Variants in CALN1 observed in about 807,000 individuals in gnomAD.
CALN1 encodes the protein calneuron 1, also known as calcium-binding protein 8.
Under a neutral mutation model 30.6 loss-of-function variants are expected in CALN1, and 17 were observed. The observed-to-expected ratio is 0.56, with a 90% confidence interval of 0.38 to 0.83. CALN1 has a LOEUF of 0.83. Among genes scored for constraint, CALN1 ranks in the 40% least tolerant of loss-of-function variants. The pLI is 0.00. For synonymous variants in CALN1, 156 were observed against 131.4 expected (o/e 1.19, Z -1.28); for missense variants, 291 against 354.9 (o/e 0.82, Z 1.45).
At chr7:72,252,284 T>TGG (rs960821441) in intron 3 of CALN1, among the ~76,000 whole-genome samples, 1 of 152,086 alleles carries the variant, frequency 6.6e-6, no homozygotes, top group African/African-American at 2.4e-5. Context: ...CAGCAAATCT[T>TGG]GGTAAGTCCA....
At chr7:71,993,065 C>T (rs779617654) in intron 5 of CALN1, among the ~76,000 whole-genome samples, 2 of 152,000 alleles carry the variant, frequency 1.3e-5, no homozygotes, top group South Asian at 4.2e-4. Flanking sequence ...GCTACCACCC[C>T]CACCCCATTC....
intron 5 of CALN1, among the ~76,000 whole-genome samples, chr7:71,872,579 T>C (rs1296298419): frequency 6.6e-6 from 1 of 152,056 alleles, no homozygotes; most frequent in African/African-American, 2.4e-5. Context: ...TTCTTATGTC[T>C]GTCTCTATTA....
intron 3 of CALN1, among the ~76,000 whole-genome samples, chr7:72,232,923 T>G (rs1794213948): frequency 6.6e-6 from 1 of 152,178 alleles, no homozygotes; most frequent in Non-Finnish European, 1.5e-5. Context: ...GACACCTTCT[T>G]CTTCATAATT....
chr7:72,130,412 A>T (rs1009674406), intron 3 of CALN1, among the ~76,000 whole-genome samples: 1 of 152,210 alleles, frequency 6.6e-6, no homozygotes, highest in East Asian at 1.9e-4. Flanking sequence ...TACTTATGAA[A>T]AAAAGAAGAA....
intron 6 of CALN1, among the ~76,000 whole-genome samples, chr7:71,805,227 C>G (rs1180715107): frequency 6.6e-6 from 1 of 152,176 alleles, no homozygotes; most frequent in Admixed American, 6.5e-5. Flanking sequence ...CTTCCACCTT[C>G]TGATGGCAAA....
At chr7:71,993,152 T>A (rs1347224083) in intron 5 of CALN1, among the ~76,000 whole-genome samples, 1 of 152,098 alleles carries the variant, frequency 6.6e-6, no homozygotes, top group Non-Finnish European at 1.5e-5. Flanking sequence ...ATGTACTTCC[T>A]ACAGGCTGAG....
intron 2 of CALN1, among the ~76,000 whole-genome samples, chr7:72,382,696 T>C (rs980500902): frequency 2.0e-5 from 3 of 151,752 alleles, no homozygotes; most frequent in African/African-American, 4.9e-5. Flanking sequence ...CTCCCACTTA[T>C]ACATGAGAAC....
chr7:72,054,190 T>C (rs1803026524), intron 4 of CALN1, among the ~76,000 whole-genome samples: 1 of 151,968 alleles, frequency 6.6e-6, no homozygotes, highest in Admixed American at 6.6e-5. Context: ...GAATGGTAGT[T>C]CTACATTTAG....
At chr7:72,363,025 TC>T (rs1286557045) in intron 2 of CALN1, among the ~76,000 whole-genome samples, 1 of 152,208 alleles carries the variant, frequency 6.6e-6, no homozygotes, top group Non-Finnish European at 1.5e-5. Flanking sequence ...TTAAGGATGT[TC>T]TTTTTTTAAT....
At chr7:72,010,582 T>A (rs549110818) in intron 5 of CALN1, among the ~76,000 whole-genome samples, 1 of 151,924 alleles carries the variant, frequency 6.6e-6, no homozygotes, top group Non-Finnish European at 1.5e-5. Context: ...GAGGCCGAGG[T>A]GGGCGAATCA....
chr7:72,322,913 T>A (rs982503971), intron 2 of CALN1, among the ~76,000 whole-genome samples: 8 of 151,626 alleles, frequency 5.3e-5, no homozygotes, highest in Non-Finnish European at 1.2e-4. Context: ...ATATCTCATG[T>A]ACCCTATAAA....
chr7:71,847,782 GA>G (rs1790382433), intron 5 of CALN1, among the ~76,000 whole-genome samples: 3 of 146,326 alleles, frequency 2.1e-5, no homozygotes, highest in Non-Finnish European at 4.5e-5. Flanking sequence ...GAAAGAAGAA[GA>G]AGAAGAAGAA....
intron 5 of CALN1, among the ~76,000 whole-genome samples, chr7:71,940,268 G>A (rs1372010749): frequency 6.6e-6 from 1 of 152,154 alleles, no homozygotes; most frequent in Non-Finnish European, 1.5e-5. Flanking sequence ...TTATGAGTTG[G>A]TGAATGCCTT....
chr7:72,304,548 T>C lies in CALN1; in HGVS notation c.120-25738A>G, dbSNP rs1799517653. On this transcript the variant is annotated intron_variant, in intron 2 of 6. Coordinates refer to ENST00000395275, the MANE Select transcript of CALN1 (RefSeq NM_031468.4). ...CTTGGAGTGATTTCATCCACCAGAA[T>C]CACTGAGATGAAAAATGGCTTACAA... Among the ~76,000 whole-genome samples, 4 of 152,110 alleles carry C rather than the reference T, an allele frequency of 2.6e-5. 1 individual carries two copies. The South Asian group carries it at 8.3e-4, about 32-fold the overall frequency.
At chr7:71,804,493 G>A (rs1468009597) in intron 6 of CALN1, among the ~76,000 whole-genome samples, 4 of 152,186 alleles carry the variant, frequency 2.6e-5, no homozygotes, top group Non-Finnish European at 4.4e-5. Flanking sequence ...GGGTGACACA[G>A]CAGGACTCTC....
intron 2 of CALN1, among the ~76,000 whole-genome samples, chr7:72,391,705 TTTTTTTG>T (rs1285486216): frequency 1.6e-4 from 24 of 152,100 alleles, no homozygotes; most frequent in Admixed American, 8.5e-4. Flanking sequence ...CCTGCACAAG[TTTTTTTG>T]TTTTTTGTTT....
the CALN1 span, among the ~76,000 whole-genome samples, chr7:72,475,912 G>C: frequency 6.9e-6 from 1 of 145,086 alleles, no homozygotes; most frequent in South Asian, 2.2e-4. Context: ...GAGTTCCCCT[G>C]AACATGCTCT....
At chr7:72,409,862 T>C (rs1806991728) in intron 1 of CALN1, among the ~76,000 whole-genome samples, 1 of 152,192 alleles carries the variant, frequency 6.6e-6, no homozygotes, top group South Asian at 2.1e-4. Context: ...TCTTTTCTTT[T>C]GCATCTTGTG....
intron 1 of CALN1, among the ~76,000 whole-genome samples, chr7:72,409,380 G>A (rs1325843535): frequency 6.7e-6 from 1 of 149,658 alleles, no homozygotes; most frequent in African/African-American, 2.4e-5. Context: ...TGATGAGGTT[G>A]GCCAGTCCAC....
Sources: gnomAD v4.1 joint callset for allele counts (sites outside exome capture counted in the v4.1 genomes callset) on GRCh38, gnomAD v4.1.1 for gene constraint, MANE v1.5 for transcripts, NCBI Gene and HGNC (gene_info 2026-07-23, HGNC 2026-07-21) for gene names.